Variants in VDAC1 observed in about 807,000 individuals in gnomAD.
The protein encoded by VDAC1 is non-selective voltage-gated ion channel VDAC1.
A neutral mutation model predicts 34.7 loss-of-function variants in VDAC1; 10 were observed. That is an observed-to-expected ratio of 0.29 (90% CI 0.18 to 0.49). The LOEUF is 0.49. Among genes scored for constraint, VDAC1 ranks in the 20% least tolerant of loss-of-function variants. The probability of loss-of-function intolerance (pLI) is 0.99; values close to 1 mark genes in which losing one functional copy is unlikely to be tolerated. For missense variants in VDAC1, 230 were observed against 347.9 expected (o/e 0.66, Z 2.69); for synonymous variants, 130 against 136.0 (o/e 0.96, Z 0.30).
chr5:134,093,531 C>T, the VDAC1 span, among the ~76,000 whole-genome samples: 1 of 152,204 alleles, frequency 6.6e-6, no homozygotes, highest in Non-Finnish European at 1.5e-5. Context: ...AGCAGAGAAT[C>T]CCATCTCTGG....
At chr5:134,046,072 C>G in the VDAC1 span, among the ~76,000 whole-genome samples, 1 of 151,132 alleles carries the variant, frequency 6.6e-6, no homozygotes. Flanking sequence ...GTCACCCAAG[C>G]TGGAGTGCAG....
At chr5:134,032,867 A>G in the VDAC1 span, among the ~76,000 whole-genome samples, 13 of 152,284 alleles carry the variant, frequency 8.5e-5, no homozygotes, top group African/African-American at 3.1e-4. Flanking sequence ...CTCTTTCTCT[A>G]CAAAATAAAA....
At chr5:134,044,206 T>A in the VDAC1 span, among the ~76,000 whole-genome samples, 1 of 152,174 alleles carries the variant, frequency 6.6e-6, no homozygotes, top group African/African-American at 2.4e-5. Context: ...AGATCCAAGG[T>A]AGGTTATGAT....
At chr5:134,107,589 C>T in the VDAC1 span, among the ~76,000 whole-genome samples, 101 of 152,306 alleles carry the variant, frequency 6.6e-4, no homozygotes, top group Middle Eastern at 3.4e-3. Flanking sequence ...TGGTGCCCTC[C>T]CCACCCTGGT....
At chr5:134,041,104 C>A in the VDAC1 span, among the ~76,000 whole-genome samples, 1 of 152,132 alleles carries the variant, frequency 6.6e-6, no homozygotes, top group Non-Finnish European at 1.5e-5. Context: ...TTTGCTCAAA[C>A]CCCTGCTACT....
the VDAC1 span, among the ~76,000 whole-genome samples, chr5:134,076,539 G>T: frequency 6.6e-6 from 1 of 152,148 alleles, no homozygotes; most frequent in African/African-American, 2.4e-5. Context: ...GCTCTCGCCC[G>T]AGCACCCAGC....
chr5:134,000,901 T>C (rs1398548838), intron 1 of VDAC1, among the ~76,000 whole-genome samples: 1 of 152,180 alleles, frequency 6.6e-6, no homozygotes, highest in African/African-American at 2.4e-5. Flanking sequence ...GAGTCCTTCA[T>C]GTCCACAATG....
At chr5:134,030,604 C>CTTT in the VDAC1 span, among the ~76,000 whole-genome samples, 1 of 107,716 alleles carries the variant, frequency 9.3e-6, no homozygotes, top group Non-Finnish European at 2.2e-5. Context: ...TTCTTTCTTT[C>CTTT]TTTTTTTTTT....
At chr5:134,065,597 T>C in the VDAC1 span, among the ~76,000 whole-genome samples, 1 of 151,924 alleles carries the variant, frequency 6.6e-6, no homozygotes, top group African/African-American at 2.4e-5. Flanking sequence ...TGTCTCAGCC[T>C]CTCAAAATGC....
the VDAC1 span, among the ~76,000 whole-genome samples, chr5:134,033,820 G>A: frequency 6.3e-4 from 95 of 151,624 alleles, 1 homozygote; most frequent in Middle Eastern, 0.01. Flanking sequence ...GTGAAACCCC[G>A]TCTCTACTAA....
chr5:134,103,805 G>A, the VDAC1 span, among the ~76,000 whole-genome samples: 1 of 152,238 alleles, frequency 6.6e-6, no homozygotes, highest in Non-Finnish European at 1.5e-5. Context: ...CTATCTTGTA[G>A]CAGGAGGAGC....
intron 1 of VDAC1, among the ~76,000 whole-genome samples, chr5:133,997,789 C>T (rs917451231): frequency 1.2e-4 from 17 of 142,008 alleles, no homozygotes; most frequent in Admixed American, 6.4e-4. Context: ...GATAGCCGTG[C>T]GCAGTGGCTC....
rs1432140086 is a variant in VDAC1 at position 133,972,886 on chromosome 5, A to G, written c.761-24T>C. The G allele has an allele frequency of 5.1e-6, 8 of 1,573,762 alleles. No homozygotes were observed. In the Admixed American group the frequency reaches 1.2e-4, roughly 23 times the overall value. ...ACCTGCAGGGAGAAAAATGAGGGAG[A>G]GGAAAGGAGGAGGAATGGAGGAAAG... On this transcript the variant is annotated intron_variant, in intron 8 of 8. Transcript: ENST00000265333.
At chr5:134,004,098 G>A (rs979751297) in intron 1 of VDAC1, among the ~76,000 whole-genome samples, 3 of 152,216 alleles carry the variant, frequency 2.0e-5, no homozygotes, top group Non-Finnish European at 4.4e-5. Flanking sequence ...GGCACAGGCG[G>A]GCGGTGCCGG....
chr5:134,043,118 G>T, the VDAC1 span, among the ~76,000 whole-genome samples: 3 of 152,244 alleles, frequency 2.0e-5, no homozygotes, highest in African/African-American at 7.2e-5. Context: ...CTGGGGCAGG[G>T]GTGGCAGGAG....
chr5:134,085,575 G>A, the VDAC1 span, among the ~76,000 whole-genome samples: 2 of 151,538 alleles, frequency 1.3e-5, no homozygotes, highest in Non-Finnish European at 2.9e-5. Context: ...GGGTTTGCAT[G>A]GGCTGCCATA....
At chr5:134,013,129 CA>C in the VDAC1 span, among the ~76,000 whole-genome samples, 1 of 152,260 alleles carries the variant, frequency 6.6e-6, no homozygotes, top group South Asian at 2.1e-4. Context: ...AGACTTCAAA[CA>C]ATTAAAATCC....
At chr5:134,010,880 G>A in the VDAC1 span, among the ~76,000 whole-genome samples, 2 of 151,736 alleles carry the variant, frequency 1.3e-5, no homozygotes, top group Non-Finnish European at 2.9e-5. Context: ...TGAGTTTGGA[G>A]ATAAGTATAT....
chr5:134,082,273 T>C, the VDAC1 span, among the ~76,000 whole-genome samples: 1 of 152,240 alleles, frequency 6.6e-6, no homozygotes, highest in Non-Finnish European at 1.5e-5. Context: ...TCTGTCAATA[T>C]AGATTCCTTT....
Sources: allele counts gnomAD v4.1 joint callset (sites outside exome capture counted in the v4.1 genomes callset), GRCh38; gene constraint gnomAD v4.1.1; transcripts MANE v1.5; gene names NCBI Gene and HGNC (gene_info 2026-07-23, HGNC 2026-07-21).